PDE6B: variants seen among roughly 807,000 people sequenced by gnomAD.
The protein encoded by PDE6B is phosphodiesterase 6B, also known as rod cGMP-specific 3',5'-cyclic phosphodiesterase subunit beta.
PDE6B carries 106 observed loss-of-function variants against 109.0 expected under a neutral mutation model. The ratio of observed to expected loss-of-function variants is 0.97; its 90% confidence interval spans 0.83 to 1.14. The LOEUF is 1.14. Ranked by LOEUF, PDE6B falls within the 50% of genes most tolerant of loss-of-function variation. PDE6B has a pLI of 0.00. For synonymous variants in PDE6B, 490 were observed against 471.3 expected (o/e 1.04, Z -0.51); for missense variants, 1,193 against 1,155.6 (o/e 1.03, Z -0.47).
rs967748409 is a variant in PDE6B, at chr4:633,143, C to G, written c.469-1534C>G. On this transcript the variant is annotated intron_variant, in intron 1 of 21. Coordinates refer to ENST00000496514, the MANE Select transcript of PDE6B (RefSeq NM_000283.4). This position sits in a 1 kb window ranked among gnomAD's most constrained non-coding sequence, Gnocchi z 4.5. ...GTGCTGTGCTTGGCCTCAGGGGACA[C>G]AGGTGCAGAGATGAGCCCTCGGGGG... is the stretch of plus-strand genomic sequence containing the variant. Among the ~76,000 whole-genome samples the G allele has an allele frequency of 5.3e-5, 8 of 152,014 alleles. No individual in the cohort carries two copies. The highest frequency in any genetic ancestry group is 9.7e-5 in the African/African-American group (4 of 41,376).
rs1737226115 is a variant in PDE6B, at chr4:662,500, T to C, written c.1723-9T>C. ...AGGACCGGTGAGCAAGGTGGCCCTG[T>C]CTCTACAGACCGGCAAACTGAAGAG... On this transcript the variant is annotated splice_polypyrimidine_tract_variant and intron_variant, in intron 13 of 21. Coordinates refer to ENST00000496514, the MANE Select transcript of PDE6B (RefSeq NM_000283.4). The surrounding 1 kb of genome is among the most constrained non-coding windows in gnomAD (Gnocchi z 4.3). 1 of 1,588,958 alleles carries C rather than the reference T, an allele frequency of 6.3e-7. No individual in the cohort carries two copies. The highest frequency in any genetic ancestry group is 1.3e-5 in the African/African-American group (1 of 74,478).
At chr4:653,762 G>A (rs909029390) in intron 3 of PDE6B, 90 bp from the exon 4 acceptor site, 3 of 1,430,086 alleles carry the variant, frequency 2.1e-6, no homozygotes, top group Non-Finnish European at 2.9e-6. Flanking sequence ...GCGCACCTGT[G>A]TCAGGCTTGA....
intron 1 of PDE6B, among the ~76,000 whole-genome samples, chr4:628,471 G>T (rs961245695): frequency 6.6e-6 from 1 of 152,240 alleles, no homozygotes; most frequent in African/African-American, 2.4e-5. Context: ...TCGCCCTCCT[G>T]AGCCTTGTCT....
intron 3 of PDE6B, among the ~76,000 whole-genome samples, chr4:639,852 TC>T (rs1415027449): frequency 6.6e-6 from 1 of 152,014 alleles, no homozygotes; most frequent in Non-Finnish European, 1.5e-5. Context: ...ATGCCTGTAG[TC>T]CCAGCTACTC....
At chr4:631,523 C>T (rs562239691) in intron 1 of PDE6B, among the ~76,000 whole-genome samples, 7 of 151,832 alleles carry the variant, frequency 4.6e-5, no homozygotes, top group Non-Finnish European at 8.8e-5. Flanking sequence ...CTGTGTGACA[C>T]CGTCTGAGGG....
In PDE6B at chr4:660,508, A is replaced by C. The variant is rs1270538372; in HGVS notation, c.1509A>C (p.Glu503Asp). The C allele has an allele frequency of 3.7e-6, 6 of 1,613,742 alleles. No homozygotes were observed. In the African/African-American group the frequency reaches 6.7e-5, roughly 18 times the overall value. ...LPGPTTFDIY[E>D]FHFSDLECTE... Reference sequence around the variant, plus strand: ...GGCCCACCACATTTGACATCTACGAATTCCACTTCTCTGACCTGGAGTGCA... The same window carrying C: ...GGCCCACCACATTTGACATCTACGACTTCCACTTCTCTGACCTGGAGTGCA... The change falls in exon 12 of 22, where the codon GAA becomes GAC. Residue 503 changes from glutamate (E) to aspartate (D), a missense_variant. Coordinates refer to ENST00000496514, the MANE Select transcript of PDE6B (RefSeq NM_000283.4).
In PDE6B at chr4:653,896, C is replaced by T; in HGVS notation, c.756C>T (p.Asp252=). ...ACAAGGTGTTTGAGGAGCTGACGGA[C>T]ATCGAGAGGCAGTTCCACAAGGCCT... The part of the protein sequence containing the change: ...SANKVFEELT[D]IERQFHKAFY... Residue 252 remains aspartate (D), a synonymous_variant, in exon 4 of 22, where the codon GAC becomes GAT. Transcript: ENST00000496514. The T allele has an allele frequency of 1.2e-6, 2 of 1,613,854 alleles. No individual in the cohort carries two copies. The highest frequency in any genetic ancestry group is 1.7e-6 in the Non-Finnish European group (2 of 1,180,002).
At chr4:651,328 G>A (rs1330015923) in intron 3 of PDE6B, among the ~76,000 whole-genome samples, 1 of 151,898 alleles carries the variant, frequency 6.6e-6, no homozygotes, top group Non-Finnish European at 1.5e-5. Flanking sequence ...CAGACTGAAT[G>A]GGGAGTGGGG....
At chr4:657,259 C>A in intron 9 of PDE6B, 92 bp from the exon 10 acceptor site, 1 of 1,470,560 alleles carries the variant, frequency 6.8e-7, no homozygotes, top group Non-Finnish European at 9.4e-7. Flanking sequence ...GCCCCAGGAC[C>A]TGCCCGCCGA....
intron 10 of PDE6B, among the ~76,000 whole-genome samples, chr4:658,315 G>A (rs1416185398): frequency 6.9e-6 from 1 of 144,992 alleles, no homozygotes; most frequent in Non-Finnish European, 1.5e-5. Flanking sequence ...AGGTGTGCGG[G>A]GCAGGTCACC....
In PDE6B at chr4:635,918, G is replaced by C; in HGVS notation, c.660G>C (p.Leu220=). 6.2e-7 allele frequency: 1 copy of C among 1,608,438 alleles called. No individual in the cohort carries two copies. The highest frequency in any genetic ancestry group is 8.5e-7 in the Non-Finnish European group (1 of 1,174,798). ...ACCTGAATTTTGCCACGTTGTACCT[G>C]AAGATCTATCACCTGAGCTACCTCC... ...LKYLNFATLY[L]KIYHLSYLHN... Residue 220 remains leucine (L), a synonymous_variant, in exon 3 of 22, where the codon CTG becomes CTC. Transcript: ENST00000496514.
At chr4:639,449 G>T (rs1185721946) in intron 3 of PDE6B, among the ~76,000 whole-genome samples, 2 of 152,196 alleles carry the variant, frequency 1.3e-5, no homozygotes, top group African/African-American at 4.8e-5. Flanking sequence ...TCTGCTAGCA[G>T]CAAACATGAG....
At chr4:667,067 G>A (rs1443636796) in intron 20 of PDE6B, among the ~76,000 whole-genome samples, 1 of 152,250 alleles carries the variant, frequency 6.6e-6, no homozygotes, top group African/African-American at 2.4e-5. Context: ...ACAGCAGAAG[G>A]AGCCACATCC....
In PDE6B at chr4:655,974, G is replaced by A. The variant is rs368173258; in HGVS notation, c.1027G>A (p.Gly343Ser). The change falls in exon 7 of 22, where the codon GGC becomes AGC. Residue 343 changes from glycine to serine, a missense_variant. By Grantham distance (56) the Gly-to-Ser change is moderately conservative. Coordinates refer to ENST00000496514, the MANE Select transcript of PDE6B (RefSeq NM_000283.4). ...PSADHWALAS[G>S]LPSYVAESGF... Reference sequence around the variant, plus strand: ...AGCCGATCACTGGGCCCTGGCCAGCGGCCTTCCAAGCTACGTGGCAGAAAG... The same window carrying A: ...AGCCGATCACTGGGCCCTGGCCAGCAGCCTTCCAAGCTACGTGGCAGAAAG... 34 of 1,611,276 alleles carry A rather than the reference G, an allele frequency of 2.1e-5. No homozygotes were observed. The highest frequency in any genetic ancestry group is 2.3e-5 in the Non-Finnish European group (27 of 1,177,872).
chr4:644,578 G>A (rs904315080), intron 3 of PDE6B, among the ~76,000 whole-genome samples: 12 of 151,880 alleles, frequency 7.9e-5, no homozygotes, highest in African/African-American at 2.9e-4. Context: ...TGCCCAGGCT[G>A]GAGCGCAGTG....
chr4:660,418 T>C, intron 11 of PDE6B, 49 bp from the exon 12 acceptor site: 1 of 1,594,700 alleles, frequency 6.3e-7, no homozygotes, highest in East Asian at 2.2e-5. Flanking sequence ...GAGAAGCAAG[T>C]GGGGGCTGTG....
intron 1 of PDE6B, among the ~76,000 whole-genome samples, chr4:629,566 G>A (rs925206942): frequency 1.3e-5 from 2 of 152,226 alleles, no homozygotes; most frequent in African/African-American, 2.4e-5. Context: ...GGCCCGTCCC[G>A]GGACCCTGGT....
intron 3 of PDE6B, among the ~76,000 whole-genome samples, chr4:638,203 G>A (rs946708922): frequency 2.0e-5 from 3 of 152,148 alleles, no homozygotes; most frequent in Non-Finnish European, 2.9e-5. Flanking sequence ...GATGTCGCAC[G>A]TCTATTCATT....
In PDE6B at chr4:665,157, G is replaced by A. The variant is rs530125267; in HGVS notation, c.2194-98G>A. ...GTGTGGTGGGGACCCCGGGGGTCTG[G>A]GGCGGAGAAGACCGAGGCTCGGAGC... On this transcript the variant is annotated intron_variant, in intron 18 of 21. Transcript: ENST00000496514. This position sits in a 1 kb window ranked among gnomAD's most constrained non-coding sequence, Gnocchi z 4.0. 8.3e-6 allele frequency: 8 copies of A among 967,590 alleles called. No individual in the cohort carries two copies. The African/African-American group carries it at 9.6e-5, about 12-fold the overall frequency. 59.9% of individuals were successfully genotyped at this position (967,590 alleles called of 1,614,324 possible).
Sources: gnomAD v4.1 joint callset for allele counts (sites outside exome capture counted in the v4.1 genomes callset) on GRCh38, gnomAD v4.1.1 for gene constraint, Gnocchi (gnomAD v3.1) non-coding constraint, MANE v1.5 for transcripts, NCBI Gene and HGNC (gene_info 2026-07-23, HGNC 2026-07-21) for gene names.